PPP1R12A: variants seen among roughly 807,000 people sequenced by gnomAD.
PPP1R12A encodes myosin binding subunit.
Under a neutral mutation model 139.6 loss-of-function variants are expected in PPP1R12A, and 19 were observed. That is an observed-to-expected ratio of 0.14 (90% CI 0.09 to 0.20). The LOEUF is 0.20. Ranked by LOEUF, PPP1R12A falls within the 10% of genes least tolerant of loss-of-function variation. PPP1R12A has a pLI of 1.00. For synonymous variants in PPP1R12A, 427 were observed against 420.6 expected (o/e 1.02, Z -0.19); for missense variants, 925 against 1,211.5 (o/e 0.76, Z 3.51).
At chr12:79,877,854 T>A (rs1592756509) in intron 1 of PPP1R12A, among the ~76,000 whole-genome samples, 1 of 152,250 alleles carries the variant, frequency 6.6e-6, no homozygotes, top group Non-Finnish European at 1.5e-5. Flanking sequence ...TTTCTCAACC[T>A]CTTTTAAATC....
At chr12:79,867,462 G>A (rs1164407606) in intron 2 of PPP1R12A, among the ~76,000 whole-genome samples, 9 of 151,226 alleles carry the variant, frequency 6.0e-5, no homozygotes, top group Non-Finnish European at 8.8e-5. Context: ...GAACTTAAAA[G>A]TATAATACAA....
intron 1 of PPP1R12A, among the ~76,000 whole-genome samples, chr12:79,920,765 C>G (rs1165366819): frequency 6.6e-6 from 1 of 152,224 alleles, no homozygotes; most frequent in African/African-American, 2.4e-5. Flanking sequence ...ATACCCTGTG[C>G]TGCCTCAGGA....
In PPP1R12A at chr12:79,778,536, C is replaced by T. The variant is rs898597594; in HGVS notation, c.3006+14G>A. The T allele has an allele frequency of 1.4e-5, 21 of 1,484,260 alleles. No homozygotes were observed. Among genetic ancestry groups the T allele is most frequent in the Non-Finnish European group, 1.8e-5 (20 of 1,096,038 alleles). The allele number at this position is 1,484,260 out of a possible 1,614,324, so 91.9% of individuals were successfully genotyped here. A position where few individuals can be genotyped will look rare whatever the true frequency, so the allele number is the denominator to read the frequency against. On this transcript the variant is annotated intron_variant, in intron 24 of 24. Coordinates refer to ENST00000450142, the MANE Select transcript of PPP1R12A (RefSeq NM_002480.3). ...AAACAGCACTCTCTCTCATAAGTAA[C>T]ATAGTTTACTTACTTTGAGCTCTTC...
chr12:79,921,288 G>T (rs1362159414), intron 1 of PPP1R12A, among the ~76,000 whole-genome samples: 2 of 152,062 alleles, frequency 1.3e-5, no homozygotes, highest in East Asian at 1.9e-4. Context: ...TATGGATCAT[G>T]TAAGAAGGAG....
chr12:79,914,612 A>C (rs1441092948), intron 1 of PPP1R12A, among the ~76,000 whole-genome samples: 1 of 151,988 alleles, frequency 6.6e-6, no homozygotes, highest in Non-Finnish European at 1.5e-5. Context: ...ATCTCCTCAA[A>C]ATACATGATT....
Position 79,820,808 on chromosome 12 carries a change from A to T in PPP1R12A, c.1080T>A (p.Asp360Glu). ...KDESSCSSEEDEEDDSESEAE... is the reference protein window; with the variant it reads ...KDESSCSSEEEEEDDSESEAE... ...CTTCTGATTCCGAGTCATCTTCCTC[A>T]TCTTCTTCACTAGAGCAGCTAGACT... The change falls in exon 8 of 25, where the codon GAT becomes GAA. Residue 360 changes from aspartate (D) to glutamate (E), a missense_variant. Transcript: ENST00000450142. 1 of 1,613,346 alleles carries T rather than the reference A, an allele frequency of 6.2e-7. No homozygotes were observed. Among genetic ancestry groups the T allele is most frequent in the East Asian group, 2.2e-5 (1 of 44,832 alleles).
At chr12:79,874,522 C>T (rs2137344422) in intron 1 of PPP1R12A, among the ~76,000 whole-genome samples, 1 of 151,982 alleles carries the variant, frequency 6.6e-6, no homozygotes, top group East Asian at 1.9e-4. Flanking sequence ...AGGGGTAAAT[C>T]ATTGTTATTT....
chr12:79,935,060 A>G lies in PPP1R12A; in HGVS notation c.-129T>C. ...GGCCAGAGGAGGGCTGGGAACCCGG[A>G]GCCGACGCTCGAGACTTCCAGTATC... On this transcript the variant is annotated 5_prime_UTR_variant, in exon 1 of 25. Coordinates refer to ENST00000450142, the MANE Select transcript of PPP1R12A (RefSeq NM_002480.3). 7.1e-7 allele frequency: 1 copy of G among 1,405,020 alleles called. No individual in the cohort carries two copies. The highest frequency in any genetic ancestry group is 1.5e-5 in the African/African-American group (1 of 68,506). 87.0% of individuals were successfully genotyped at this position (1,405,020 alleles called of 1,614,324 possible).
chr12:79,798,005 A>C (rs1260008352), intron 15 of PPP1R12A, among the ~76,000 whole-genome samples: 1 of 152,156 alleles, frequency 6.6e-6, no homozygotes, highest in African/African-American at 2.4e-5. Context: ...AACGGAGGTA[A>C]GGAGATCGCC....
chr12:79,927,690 TTTC>T (rs1342961627), intron 1 of PPP1R12A, among the ~76,000 whole-genome samples: 1 of 152,240 alleles, frequency 6.6e-6, no homozygotes, highest in East Asian at 1.9e-4. Flanking sequence ...TGCCATTTAT[TTTC>T]TTGTTAACTT....
chr12:79,844,075 T>G (rs1467855730), intron 3 of PPP1R12A, among the ~76,000 whole-genome samples: 1 of 152,076 alleles, frequency 6.6e-6, no homozygotes, highest in Non-Finnish European at 1.5e-5. Flanking sequence ...TCACAGCATT[T>G]ACATAGCATT....
chr12:79,905,353 C>CT (rs1400513652), intron 1 of PPP1R12A, among the ~76,000 whole-genome samples: 44 of 118,370 alleles, frequency 3.7e-4, no homozygotes, highest in South Asian at 1.2e-3. Flanking sequence ...CCCCCCACCC[C>CT]TTTTTTTTTG....
intron 2 of PPP1R12A, among the ~76,000 whole-genome samples, chr12:79,855,922 T>TAA (rs890928941): frequency 1.4e-5 from 2 of 146,582 alleles, no homozygotes; most frequent in Non-Finnish European, 3.0e-5. Flanking sequence ...CTTAGAACAG[T>TAA]AAAAAAAAAA....
At chr12:79,888,323 T>C (rs948412603) in intron 1 of PPP1R12A, among the ~76,000 whole-genome samples, 1 of 152,130 alleles carries the variant, frequency 6.6e-6, no homozygotes, top group Non-Finnish European at 1.5e-5. Context: ...TTTAAAGAAG[T>C]TGCCCATCTA....
At chr12:79,888,591 T>TTACTAGTAAAAAAGGCA (rs1884320443) in intron 1 of PPP1R12A, among the ~76,000 whole-genome samples, 1 of 152,022 alleles carries the variant, frequency 6.6e-6, no homozygotes, top group African/African-American at 2.4e-5. Context: ...TAAGAAGTTC[T>TTACTAGTAAAAAAGGCA]TCCTAGTAAA....
chr12:79,888,515 G>A (rs566412311), intron 1 of PPP1R12A, among the ~76,000 whole-genome samples: 1 of 152,220 alleles, frequency 6.6e-6, no homozygotes, highest in African/African-American at 2.4e-5. Flanking sequence ...GTAGCTTGAA[G>A]AGGCAGGAGG....
At chr12:79,890,079 A>G (rs1043931710) in intron 1 of PPP1R12A, among the ~76,000 whole-genome samples, 1 of 152,326 alleles carries the variant, frequency 6.6e-6, no homozygotes, top group South Asian at 2.1e-4. Context: ...GTATATAAGC[A>G]TGTAAAACTT....
At chr12:79,865,683 CAGAG>C (rs1881882444) in intron 2 of PPP1R12A, among the ~76,000 whole-genome samples, 1 of 152,140 alleles carries the variant, frequency 6.6e-6, no homozygotes, top group Non-Finnish European at 1.5e-5. Context: ...AACAGACAAA[CAGAG>C]AGCCAGATCA....
chr12:79,913,235 A>C (rs1220607488), intron 1 of PPP1R12A, among the ~76,000 whole-genome samples: 1 of 152,236 alleles, frequency 6.6e-6, no homozygotes, highest in Non-Finnish European at 1.5e-5. Context: ...TATGGGTAAT[A>C]ATCTTTTTGT....
Sources: allele counts gnomAD v4.1 joint callset (sites outside exome capture counted in the v4.1 genomes callset), GRCh38; gene constraint gnomAD v4.1.1; transcripts MANE v1.5; gene names NCBI Gene and HGNC (gene_info 2026-07-23, HGNC 2026-07-21).